DLG5: variants seen among roughly 807,000 people sequenced by gnomAD.
DLG5 encodes the protein disks large homolog 5.
A neutral mutation model predicts 189.8 loss-of-function variants in DLG5; 48 were observed. The observed-to-expected ratio is 0.25, with a 90% confidence interval of 0.20 to 0.32. DLG5 has a LOEUF of 0.32. DLG5 is among the 10% of genes least tolerant of loss of function. DLG5 has a pLI of 1.00. For missense variants in DLG5, 2,160 were observed against 2,544.7 expected (o/e 0.85, Z 3.25); for synonymous variants, 1,016 against 1,054.1 (o/e 0.96, Z 0.70).
rs1568155783 is a variant in DLG5 at position 77,824,422 on chromosome 10, G to A, written c.2344C>T (p.Arg782Cys). 6 of 1,613,960 alleles carry A rather than the reference G, an allele frequency of 3.7e-6. No homozygotes were observed. Among genetic ancestry groups the A allele is most frequent in the Non-Finnish European group, 5.1e-6 (6 of 1,179,910 alleles). ...KSLNECESLL[R>C]SCQDSLTLSL... Reference sequence around the variant, plus strand: ...AGGGTCAGGGAGTCCTGGCAGCTGCGCAGCAGAGATTCACATTCATTCAGA... The same window carrying A: ...AGGGTCAGGGAGTCCTGGCAGCTGCACAGCAGAGATTCACATTCATTCAGA... The change falls in exon 14 of 32, where the codon CGC becomes TGC. Residue 782 changes from arginine to cysteine, a missense_variant. This residue lies in a region of DLG5 where 107 missense variants were observed against 214.5 expected (regional missense o/e 0.50). Transcript: ENST00000372391.
chr10:77,912,146 G>A (rs1846240444), intron 1 of DLG5: 1 of 147,866 alleles, frequency 6.8e-6, no homozygotes. Flanking sequence ...AGATTACATT[G>A]AGCTAGGATC....
At chr10:77,902,511 CAAG>C (rs1281271189) in intron 1 of DLG5, among the ~76,000 whole-genome samples, 1 of 152,196 alleles carries the variant, frequency 6.6e-6, no homozygotes, top group East Asian at 1.9e-4. Context: ...CATCTCCAAT[CAAG>C]AAGAACTGGT....
chr10:77,915,590 G>A lies in DLG5; in HGVS notation c.304+10627C>T, dbSNP rs150208569. Among the ~76,000 whole-genome samples, 566 of 152,274 alleles carry A rather than the reference G, an allele frequency of 3.7e-3. 2 individuals carry two copies. Among genetic ancestry groups the A allele is most frequent in the South Asian group, 0.018 (89 of 4,826 alleles). ...GCACACTGGCTTAGCCCTCTCAAGG[G>A]GCCTGCAGAAAAGAACCTAGCACTG... On this transcript the variant is annotated intron_variant, in intron 1 of 31. Transcript: ENST00000372391.
intron 27 of DLG5, among the ~76,000 whole-genome samples, chr10:77,800,337 T>A (rs1172394168): frequency 6.6e-6 from 1 of 152,204 alleles, no homozygotes; most frequent in Non-Finnish European, 1.5e-5. Context: ...GAATTTGAGA[T>A]GCCAAGATCC....
At chr10:77,829,629 G>A (rs142515859) in intron 11 of DLG5, 99 bp from the exon 12 acceptor site, 2 of 1,388,796 alleles carry the variant, frequency 1.4e-6, no homozygotes, top group Non-Finnish European at 2.0e-6. Context: ...CAAGGAGTGG[G>A]TGCCTCACAT....
chr10:77,856,531 G>C (rs1844236824), intron 3 of DLG5, among the ~76,000 whole-genome samples, 199 bp downstream of exon 3: 1 of 152,068 alleles, frequency 6.6e-6, no homozygotes, highest in Non-Finnish European at 1.5e-5. Flanking sequence ...GCCACATGTG[G>C]GATGGGGACC....
At chr10:77,927,875 A>T (rs182012265), upstream of DLG5, 2 of 152,382 alleles carry the variant, frequency 1.3e-5, no homozygotes, top group African/African-American at 4.8e-5. Context: ...GTGATCCCGC[A>T]GTGCTCCTCT....
In DLG5 at chr10:77,796,736, C is replaced by T; in HGVS notation, c.5165-142G>A. The stretch of plus-strand genomic sequence containing the variant: ...CTTCAGCACTGAAAATCTCGTGTCC[C>T]AGGCACAACCGGGCATCGTCACCCC... On this transcript the variant is annotated intron_variant, in intron 27 of 31. Coordinates refer to ENST00000372391, the MANE Select transcript of DLG5 (RefSeq NM_004747.4). The surrounding 1 kb of genome is among the most constrained non-coding windows in gnomAD (Gnocchi z 5.2). The T allele has an allele frequency of 9.4e-7, 1 of 1,059,994 alleles. No homozygotes were observed. The highest frequency in any genetic ancestry group is 1.4e-6 in the Non-Finnish European group (1 of 732,488). 65.7% of individuals were successfully genotyped at this position (1,059,994 alleles called of 1,614,324 possible).
intron 14 of DLG5, among the ~76,000 whole-genome samples, chr10:77,822,943 A>C (rs547446858): frequency 1.5e-4 from 23 of 152,304 alleles, no homozygotes; most frequent in African/African-American, 5.3e-4. Context: ...GAGCATAGGG[A>C]ATTTTTAGAG....
intron 3 of DLG5, among the ~76,000 whole-genome samples, chr10:77,856,004 T>G (rs1400835708): frequency 6.6e-6 from 1 of 152,090 alleles, no homozygotes; most frequent in African/African-American, 2.4e-5. Flanking sequence ...AGCAAACATT[T>G]TCTTCAAAGC....
Position 77,856,818 on chromosome 10 carries a change from A to C in DLG5, c.448T>G (p.Ser150Ala), listed in dbSNP as rs975780943. Residue 150 changes from serine (S) to alanine (A), a missense_variant, in exon 3 of 32, where the codon TCC becomes GCC. Ser to Ala is a moderately conservative substitution (Grantham distance 99). Coordinates refer to ENST00000372391, the MANE Select transcript of DLG5 (RefSeq NM_004747.4). Reference protein sequence around the residue: ...QQVNEKVENLSIQLRLMTRER... With the variant: ...QQVNEKVENLAIQLRLMTRER... ...CGGGTCATCAGCCGCAGCTGAATGG[A>C]GAGGTTCTCCACCTTCTCATTCACT... 2 of 1,613,080 alleles carry C rather than the reference A, an allele frequency of 1.2e-6. No individual in the cohort carries two copies. The highest frequency in any genetic ancestry group is 1.7e-6 in the Non-Finnish European group (2 of 1,180,000).
chr10:77,831,806 A>T (rs1406479081), intron 9 of DLG5, among the ~76,000 whole-genome samples: 1 of 152,268 alleles, frequency 6.6e-6, no homozygotes, highest in East Asian at 1.9e-4. Context: ...CACAAATTGA[A>T]ATGCAAACTG....
chr10:77,874,564 T>C (rs1215468393), intron 1 of DLG5, among the ~76,000 whole-genome samples: 3 of 152,148 alleles, frequency 2.0e-5, no homozygotes, highest in Non-Finnish European at 4.4e-5. Context: ...AAAACAAAAT[T>C]ATCTTCAGGC....
rs1014863978 is a variant in DLG5 at position 77,911,274 on chromosome 10, T to C, written c.304+14943A>G. Among the ~76,000 whole-genome samples the C allele has an allele frequency of 6.2e-4, 94 of 152,166 alleles. 1 individual carries two copies. Among genetic ancestry groups the C allele is most frequent in the African/African-American group, 2.3e-3 (94 of 41,510 alleles). On this transcript the variant is annotated intron_variant, in intron 1 of 31. Transcript: ENST00000372391. Reference sequence around the variant, plus strand: ...TCCCAAGCAACTGGGACCACAGGCATGCGCCACAGCTAATTTTTGTATTTT... The same window carrying C: ...TCCCAAGCAACTGGGACCACAGGCACGCGCCACAGCTAATTTTTGTATTTT...
intron 7 of DLG5, among the ~76,000 whole-genome samples, chr10:77,837,277 T>C (rs1188763639): frequency 7.7e-6 from 1 of 130,478 alleles, no homozygotes; most frequent in Non-Finnish European, 1.7e-5. Context: ...TGATAAACAA[T>C]ACTTTGAAAA....
chr10:77,849,746 G>A (rs1014373752), intron 5 of DLG5, among the ~76,000 whole-genome samples: 3 of 152,236 alleles, frequency 2.0e-5, no homozygotes, highest in Non-Finnish European at 4.4e-5. Flanking sequence ...GGGGACAGGG[G>A]TGGGAGGGAG....
chr10:77,868,666 C>T lies in DLG5; in HGVS notation c.373+463G>A, dbSNP rs145643946. Reference sequence around the variant, plus strand: ...GTGTGGGAAGCCTGAGAAACCACTGCGGCCTTCCTGCTGGACTTCAGAGAA... The same window carrying T: ...GTGTGGGAAGCCTGAGAAACCACTGTGGCCTTCCTGCTGGACTTCAGAGAA... On this transcript the variant is annotated intron_variant, in intron 2 of 31. Coordinates refer to ENST00000372391, the MANE Select transcript of DLG5 (RefSeq NM_004747.4). The T allele has an allele frequency of 6.1e-3, 1,344 of 221,558 alleles. 6 individuals carry two copies. Among genetic ancestry groups the T allele is most frequent in the Non-Finnish European group, 8.9e-3 (995 of 111,320 alleles). The allele number at this position is 221,558 out of a possible 1,614,324, so 13.7% of individuals were successfully genotyped here.
In DLG5 at chr10:77,843,401, C is replaced by CT. The variant is rs745689019; in HGVS notation, c.1124+45dup. The CT allele has an allele frequency of 3.1e-6, 5 of 1,598,124 alleles. No homozygotes were observed. In the African/African-American group the frequency reaches 6.7e-5, roughly 21 times the overall value. ...TCATCCCCTGGTGGTGGCTGGGAAC[C>CT]TTATAGGACCCATTTGCCCCCGGCC... On this transcript the variant is annotated intron_variant, in intron 6 of 31. Transcript: ENST00000372391.
At chr10:77,907,373 G>C (rs1347562878) in intron 1 of DLG5, among the ~76,000 whole-genome samples, 1 of 152,196 alleles carries the variant, frequency 6.6e-6, no homozygotes, top group Non-Finnish European at 1.5e-5. Flanking sequence ...TAGCCCAGAA[G>C]TTCAAGACCA....
Sources: gnomAD v4.1 joint callset for allele counts (sites outside exome capture counted in the v4.1 genomes callset) on GRCh38, gnomAD v4.1.1 for gene constraint, gnomAD v4.1.1 regional missense constraint, Gnocchi (gnomAD v3.1) non-coding constraint, MANE v1.5 for transcripts, NCBI Gene and HGNC (gene_info 2026-07-23, HGNC 2026-07-21) for gene names.